NGLY1: variants seen among roughly 807,000 people sequenced by gnomAD.
NGLY1 encodes peptide-N(4)-(N-acetyl-beta-glucosaminyl)asparagine amidase.
NGLY1 carries 68 observed loss-of-function variants against 84.6 expected under a neutral mutation model. The observed-to-expected ratio is 0.80, with a 90% CI of 0.66 to 0.98. The LOEUF (loss-of-function observed/expected upper bound fraction) is 0.98, where lower values mean the gene tolerates loss of function less well. NGLY1 is among the 50% of genes least tolerant of loss of function. The pLI is 0.00. For synonymous variants in NGLY1, 280 were observed against 275.2 expected (o/e 1.02, Z -0.17); for missense variants, 779 against 770.2 (o/e 1.01, Z -0.14).
intron 3 of NGLY1, among the ~76,000 whole-genome samples, chr3:25,760,474 G>A (rs1032331544): frequency 6.6e-6 from 1 of 152,016 alleles, no homozygotes; most frequent in African/African-American, 2.4e-5. Flanking sequence ...CCTATCAGAG[G>A]GCATGCAAGT....
At chr3:25,742,645 T>G (rs1284185523) in intron 4 of NGLY1, among the ~76,000 whole-genome samples, 1 of 152,206 alleles carries the variant, frequency 6.6e-6, no homozygotes, top group East Asian at 1.9e-4. Flanking sequence ...CAGAGGACTG[T>G]CATTCTCCTT....
chr3:25,750,574 T>C (rs1706681860), intron 4 of NGLY1, among the ~76,000 whole-genome samples: 1 of 152,200 alleles, frequency 6.6e-6, no homozygotes, highest in South Asian at 2.1e-4. Flanking sequence ...AACAACATTA[T>C]GACTATATTT....
chr3:25,749,558 A>G, intron 4 of NGLY1: 1 of 1,558,610 alleles, frequency 6.4e-7, no homozygotes, highest in Non-Finnish European at 8.8e-7. Flanking sequence ...ATCCGGCACC[A>G]GTCTGACTGA....
rs1319844672 is a variant in NGLY1 at position 25,735,892 on chromosome 3, C to A, written c.1149+112G>T. Reference sequence around the variant, plus strand: ...TACAAATAAAACTTATCAAACTGTACAATTTAAATATATGCAGGTTATTGT... The same window carrying A: ...TACAAATAAAACTTATCAAACTGTAAAATTTAAATATATGCAGGTTATTGT... On this transcript the variant is annotated intron_variant, in intron 7 of 11. Coordinates refer to ENST00000280700, the MANE Select transcript of NGLY1 (RefSeq NM_018297.4). The A allele has an allele frequency of 7.4e-6, 7 of 945,708 alleles. No homozygotes were observed. The African/African-American group carries it at 1.2e-4, about 16-fold the overall frequency. 58.6% of individuals were successfully genotyped at this position (945,708 alleles called of 1,614,324 possible).
At chr3:25,780,637 T>G (rs1382021782) in intron 1 of NGLY1, among the ~76,000 whole-genome samples, 2 of 152,216 alleles carry the variant, frequency 1.3e-5, no homozygotes, top group East Asian at 3.8e-4. Context: ...GTTTTGTTTT[T>G]TAAAAAACAA....
intron 2 of NGLY1, among the ~76,000 whole-genome samples, chr3:25,769,743 T>TA (rs1403977299): frequency 6.6e-6 from 1 of 152,136 alleles, no homozygotes; most frequent in Non-Finnish European, 1.5e-5. Flanking sequence ...TTTAATTTTT[T>TA]AAAAAAAATT....
intron 4 of NGLY1, chr3:25,749,898 C>G (rs1003341703): frequency 1.8e-5 from 14 of 797,100 alleles, no homozygotes; most frequent in African/African-American, 1.4e-4. Context: ...AATGAGTAGA[C>G]AGCTCATGTG....
chr3:25,749,076 T>C (rs1278840678), intron 4 of NGLY1, among the ~76,000 whole-genome samples: 2 of 152,152 alleles, frequency 1.3e-5, no homozygotes, highest in African/African-American at 2.4e-5. Context: ...ATGGCTACTA[T>C]TGAAAAATCA....
chr3:25,726,549 A>C (rs532509895), intron 10 of NGLY1, among the ~76,000 whole-genome samples: 77 of 152,298 alleles, frequency 5.1e-4, no homozygotes, highest in African/African-American at 1.8e-3. Flanking sequence ...AAAAAAGAGA[A>C]GTATAGGAGG....
chr3:25,722,274 CAT>C (rs1553650650), intron 10 of NGLY1, among the ~76,000 whole-genome samples: 31 of 148,580 alleles, frequency 2.1e-4, no homozygotes, highest in African/African-American at 6.2e-4. Context: ...TGTATACACA[CAT>C]ATATATATAT....
At chr3:25,756,241 C>CCAT (rs1012504996) in intron 3 of NGLY1, among the ~76,000 whole-genome samples, 1 of 152,262 alleles carries the variant, frequency 6.6e-6, no homozygotes, top group East Asian at 1.9e-4. Flanking sequence ...TGCACCTACC[C>CCAT]CATAGGTTTG....
intron 9 of NGLY1, chr3:25,729,955 C>G (rs1575612694): frequency 1.3e-5 from 2 of 152,224 alleles, no homozygotes; most frequent in East Asian, 3.9e-4. Flanking sequence ...CTTACTTTGT[C>G]TAGGATGCTG....
chr3:25,780,879 G>C (rs560845051), intron 1 of NGLY1, among the ~76,000 whole-genome samples: 193 of 152,092 alleles, frequency 1.3e-3, no homozygotes, highest in African/African-American at 4.5e-3. Flanking sequence ...CTACAGGTTG[G>C]AGCCACTTCG....
At chr3:25,725,041 G>A (rs1402248810) in intron 10 of NGLY1, among the ~76,000 whole-genome samples, 2 of 152,142 alleles carry the variant, frequency 1.3e-5, no homozygotes, top group Non-Finnish European at 2.9e-5. Flanking sequence ...GTCTGATTAT[G>A]GGTCATAAAA....
chr3:25,726,255 C>G (rs1043514631), intron 10 of NGLY1, among the ~76,000 whole-genome samples: 2 of 152,136 alleles, frequency 1.3e-5, no homozygotes, highest in African/African-American at 4.8e-5. Flanking sequence ...CCAATCTTTA[C>G]TAAACACTTA....
intron 2 of NGLY1, among the ~76,000 whole-genome samples, chr3:25,774,788 C>G (rs903095623): frequency 3.6e-4 from 54 of 152,106 alleles, no homozygotes; most frequent in African/African-American, 9.4e-4. Context: ...CTTGTATCTG[C>G]AGTATCTGCA....
At position 25,752,643 on chromosome 3, in the gene NGLY1, TA is replaced by T. The variant is rs745704602; in HGVS notation, c.493-1381del. On this transcript the variant is annotated intron_variant, in intron 3 of 11. Coordinates refer to ENST00000280700, the MANE Select transcript of NGLY1 (RefSeq NM_018297.4). ...GGTAATACAGCAAGATCCTATCTCT[TA>T]AAAAAAAAAAAAAAAATTAAGTAGT... 9.5e-3 allele frequency among the ~76,000 whole-genome samples: 1,291 copies of T among 135,640 alleles called. 9 individuals are homozygous for T. Among genetic ancestry groups the T allele is most frequent in the African/African-American group, 0.018 (674 of 37,104 alleles). 89.0% of individuals were successfully genotyped at this position (135,640 alleles called of 152,430 possible). A position where few individuals can be genotyped will look rare whatever the true frequency, so the allele number is the denominator to read the frequency against.
At chr3:25,783,482 C>T (rs1228926714), upstream of NGLY1, 1 of 1,186,606 alleles carries the variant, frequency 8.4e-7, no homozygotes, top group African/African-American at 1.8e-5. This position sits in a 1 kb window ranked among gnomAD's most constrained non-coding sequence, Gnocchi z 4.5. Flanking sequence ...CCGCAGCCAC[C>T]GGCAGGGGCG....
chr3:25,761,038 G>T (rs1707301748), intron 3 of NGLY1, among the ~76,000 whole-genome samples: 3 of 151,516 alleles, frequency 2.0e-5, no homozygotes, highest in Non-Finnish European at 4.4e-5. Flanking sequence ...GATAATATAT[G>T]ACTTTTATAA....
Sources: allele counts gnomAD v4.1 joint callset (sites outside exome capture counted in the v4.1 genomes callset), GRCh38; gene constraint gnomAD v4.1.1; non-coding constraint Gnocchi (gnomAD v3.1); transcripts MANE v1.5; gene names NCBI Gene and HGNC (gene_info 2026-07-23, HGNC 2026-07-21).